KL: variants seen among roughly 807,000 people sequenced by gnomAD.
KL encodes klotho.
A neutral mutation model predicts 84.2 loss-of-function variants in KL; 62 were observed. The observed-to-expected ratio is 0.74, with a 90% CI of 0.60 to 0.91. The LOEUF is 0.91. Ranked by LOEUF, KL falls within the 40% of genes least tolerant of loss-of-function variation. The pLI, the probability that KL is intolerant of heterozygous loss-of-function variation, is 0.00. For missense variants in KL, 1,261 were observed against 1,305.7 expected (o/e 0.97, Z 0.53); for synonymous variants, 528 against 528.0 (o/e 1.00, Z 0.00).
intron 1 of KL, among the ~76,000 whole-genome samples, chr13:33,019,417 C>A (rs1242843216): frequency 1.3e-5 from 2 of 152,012 alleles, no homozygotes; most frequent in African/African-American, 4.8e-5. Context: ...TGCTGCTGTA[C>A]AGATATAGGG....
chr13:33,017,543 T>C (rs1160778836), intron 1 of KL, among the ~76,000 whole-genome samples: 2 of 152,030 alleles, frequency 1.3e-5, no homozygotes, highest in African/African-American at 4.8e-5. Context: ...TTTCTCTGGG[T>C]GTAGAGGAAT....
At chr13:33,052,308 G>C (rs1871784587) in intron 1 of KL, among the ~76,000 whole-genome samples, 1 of 152,192 alleles carries the variant, frequency 6.6e-6, no homozygotes, top group East Asian at 1.9e-4. Flanking sequence ...CTTTCAATGA[G>C]GAAGGGAGGC....
At position 33,017,176 on chromosome 13, in the gene KL, C is replaced by CACGGCT. The variant is rs974255925; in HGVS notation, c.740_745dup (p.Gly247_Tyr248dup). On this transcript the variant is annotated inframe_insertion, in exon 1 of 5. Coordinates refer to ENST00000380099, the MANE Select transcript of KL (RefSeq NM_004795.4). ...CGACAACCCCTACGTGGTGGCCTGGCACGGCTACGCCACCGGGCGCCTGGC... is the reference window on the plus strand; with the variant it reads ...CGACAACCCCTACGTGGTGGCCTGGCACGGCTACGGCTACGCCACCGGGCGCCTGGC... 1.4e-5 allele frequency: 23 copies of CACGGCT among 1,599,688 alleles called. No individual in the cohort carries two copies. The highest frequency in any genetic ancestry group is 1.9e-5 in the Non-Finnish European group (23 of 1,179,594).
At chr13:33,044,475 T>C (rs566666655) in intron 1 of KL, among the ~76,000 whole-genome samples, 2 of 152,258 alleles carry the variant, frequency 1.3e-5, no homozygotes, top group Admixed American at 1.3e-4. Context: ...TATTTACATA[T>C]TCTTTAATTT....
Position 33,016,922 on chromosome 13 carries a change from G to A in KL, c.482G>A (p.Ser161Asn). Residue 161 changes from serine to asparagine, a missense_variant, in exon 1 of 5, where the codon AGC (serine) becomes AAC (asparagine). By Grantham distance (46) the Ser-to-Asn change is conservative. Coordinates refer to ENST00000380099, the MANE Select transcript of KL (RefSeq NM_004795.4). ...ISWARVLPNGSAGVPNREGLR... is the reference protein window; with the variant it reads ...ISWARVLPNGNAGVPNREGLR... ...TGGGCGCGAGTGCTCCCCAATGGCA[G>A]CGCGGGCGTCCCCAACCGCGAGGGG... The A allele has an allele frequency of 6.2e-7, 1 of 1,610,690 alleles. No individual in the cohort carries two copies. Among genetic ancestry groups the A allele is most frequent in the African/African-American group, 1.3e-5 (1 of 75,028 alleles).
chr13:33,048,786 T>G (rs1871633119), intron 1 of KL, among the ~76,000 whole-genome samples: 1 of 152,190 alleles, frequency 6.6e-6, no homozygotes, highest in South Asian at 2.1e-4. Context: ...AAAAGCAGCT[T>G]ATTTGTGTGA....
chr13:33,030,752 G>A (rs1870943186), intron 1 of KL, among the ~76,000 whole-genome samples: 1 of 151,830 alleles, frequency 6.6e-6, no homozygotes, highest in East Asian at 1.9e-4. Flanking sequence ...AGCAAACCAG[G>A]GAAAATAAAT....
intron 4 of KL, 23 bp downstream of exon 4, chr13:33,061,803 A>G: frequency 3.1e-6 from 5 of 1,608,548 alleles, no homozygotes; most frequent in Non-Finnish European, 4.2e-6. Flanking sequence ...AGCTGCGGCT[A>G]TCTCCTGAAG....
intron 1 of KL, among the ~76,000 whole-genome samples, chr13:33,026,209 G>A (rs1870771511): frequency 6.6e-6 from 1 of 152,120 alleles, no homozygotes; most frequent in South Asian, 2.1e-4. Flanking sequence ...CTTTTCCCTT[G>A]CAGTGTCCCT....
intron 1 of KL, among the ~76,000 whole-genome samples, chr13:33,018,005 T>C (rs1870436799): frequency 6.6e-6 from 1 of 152,246 alleles, no homozygotes; most frequent in Non-Finnish European, 1.5e-5. Context: ...AAATTAATTG[T>C]AACACCCTTG....
intron 1 of KL, among the ~76,000 whole-genome samples, chr13:33,049,463 A>G (rs750730553): frequency 1.3e-5 from 2 of 152,246 alleles, no homozygotes; most frequent in Non-Finnish European, 2.9e-5. Flanking sequence ...TCTTGGATAG[A>G]GGACCATCAT....
chr13:33,029,290 A>C (rs1870885894), intron 1 of KL, among the ~76,000 whole-genome samples: 1 of 152,230 alleles, frequency 6.6e-6, no homozygotes, highest in Non-Finnish European at 1.5e-5. Flanking sequence ...ACAAAGAAAT[A>C]GGGTTATGAA....
At chr13:33,060,316 G>A (rs548101306) in intron 3 of KL, among the ~76,000 whole-genome samples, 1 of 151,946 alleles carries the variant, frequency 6.6e-6, no homozygotes, top group East Asian at 1.9e-4. Flanking sequence ...AAAGCCTCAT[G>A]ACATTAATGA....
At chr13:33,020,616 C>A (rs887861785) in intron 1 of KL, among the ~76,000 whole-genome samples, 1 of 152,160 alleles carries the variant, frequency 6.6e-6, no homozygotes, top group Non-Finnish European at 1.5e-5. Context: ...AGTTGTTGGA[C>A]CCCGAATCTT....
At chr13:33,063,700 C>G in intron 4 of KL, 149 bp from the exon 5 acceptor site, 1 of 732,596 alleles carries the variant, frequency 1.4e-6, no homozygotes, top group Non-Finnish European at 2.4e-6. Flanking sequence ...TCTGTTGAAC[C>G]TGGGAGGCGG....
chr13:33,054,568 T>G (rs899058919), intron 2 of KL, among the ~76,000 whole-genome samples: 2 of 152,240 alleles, frequency 1.3e-5, no homozygotes, highest in African/African-American at 4.8e-5. Context: ...ATAAAACAAA[T>G]CCCAGGATAT....
chr13:33,063,726 A>G lies in KL; in HGVS notation c.2702-123A>G. 3 of 876,558 alleles carry G rather than the reference A, an allele frequency of 3.4e-6. No homozygotes were observed. The South Asian group carries it at 4.1e-5, about 12-fold the overall frequency. The allele number at this position is 876,558 out of a possible 1,614,324, so 54.3% of individuals were successfully genotyped here. Reference sequence around the variant, plus strand: ...TGGGAGGCGGAGGTTGCAGTGAGTCAAGATGGTGCCATTGCACTCCAGCCT... The same window carrying G: ...TGGGAGGCGGAGGTTGCAGTGAGTCGAGATGGTGCCATTGCACTCCAGCCT... On this transcript the variant is annotated intron_variant, in intron 4 of 4. Transcript: ENST00000380099.
intron 4 of KL, among the ~76,000 whole-genome samples, chr13:33,062,161 T>A (rs1282240564): frequency 6.6e-6 from 1 of 152,032 alleles, no homozygotes; most frequent in Admixed American, 6.6e-5. Flanking sequence ...GGAGGATTGC[T>A]TGAGCCTAGA....
In KL at chr13:33,054,110, A is replaced by G. The variant is rs1871863235; in HGVS notation, c.1163A>G (p.Gln388Arg). The G allele has an allele frequency of 6.2e-7, 1 of 1,614,058 alleles. No homozygotes were observed. ...TTGGACCCTCACATGAAGTTCCGCC[A>G]ATTGGAATCTCCCAACCTGAGGCAA... ...QLLDPHMKFR[Q>R]LESPNLRQLL... The change falls in exon 2 of 5, where the codon CAA (glutamine) becomes CGA (arginine). Residue 388 changes from glutamine (Q) to arginine (R), a missense_variant. Physicochemically the swap from Gln to Arg is conservative, Grantham distance 43 (BLOSUM62 1). Transcript: ENST00000380099.
Sources: allele counts gnomAD v4.1 joint callset (sites outside exome capture counted in the v4.1 genomes callset), GRCh38; gene constraint gnomAD v4.1.1; transcripts MANE v1.5; gene names NCBI Gene and HGNC (gene_info 2026-07-23, HGNC 2026-07-21).